The following ROBO1 variants were observed in gnomAD, a reference collection of about 807,000 sequenced individuals.
The protein encoded by ROBO1 is roundabout guidance receptor 1.
ROBO1 carries 149 observed loss-of-function variants against 195.9 expected under a neutral mutation model. The observed-to-expected ratio is 0.76, with a 90% CI of 0.67 to 0.87. The LOEUF (loss-of-function observed/expected upper bound fraction) is 0.87. ROBO1 is among the 40% of genes least tolerant of loss of function. The pLI, the probability that ROBO1 is intolerant of heterozygous loss-of-function variation, is 0.00. For missense variants in ROBO1, 1,933 were observed against 2,068.3 expected (o/e 0.93, Z 1.27); for synonymous variants, 816 against 733.2 (o/e 1.11, Z -1.82).
intron 1 of ROBO1, among the ~76,000 whole-genome samples, chr3:79,725,677 C>G (rs1702892904): frequency 6.6e-6 from 1 of 152,122 alleles, no homozygotes; most frequent in African/African-American, 2.4e-5. Context: ...CACCTCTTCT[C>G]CAGTTTCTTC....
intron 3 of ROBO1, among the ~76,000 whole-genome samples, chr3:78,974,219 T>G (rs1018396817): frequency 6.6e-6 from 1 of 152,128 alleles, no homozygotes; most frequent in Non-Finnish European, 1.5e-5. Context: ...AAGTCCATGG[T>G]ACTCATTTCT....
At chr3:79,569,675 A>G (rs7637549) in intron 2 of ROBO1, among the ~76,000 whole-genome samples, 11,530 of 105,990 alleles carry the variant, frequency 0.11, 456 homozygotes, top group Middle Eastern at 0.2. Context: ...GTGTGTGTGT[A>G]TATATGTGTG....
At chr3:78,967,920 T>A (rs2076682677) in intron 3 of ROBO1, among the ~76,000 whole-genome samples, 1 of 152,210 alleles carries the variant, frequency 6.6e-6, no homozygotes, top group Non-Finnish European at 1.5e-5. Flanking sequence ...TCCTGAGGTT[T>A]ACTTGCTCTC....
intron 2 of ROBO1, among the ~76,000 whole-genome samples, chr3:79,301,035 C>G (rs757926332): frequency 6.4e-4 from 97 of 152,200 alleles, no homozygotes; most frequent in Admixed American, 1.2e-3. Flanking sequence ...GCTGCCCGAG[C>G]CAGCAGTGGC....
chr3:78,676,763 C>A (rs1708461100), intron 10 of ROBO1, among the ~76,000 whole-genome samples: 1 of 152,154 alleles, frequency 6.6e-6, no homozygotes, highest in South Asian at 2.1e-4. Flanking sequence ...AGGATATTAT[C>A]CAGGAGAACT....
intron 1 of ROBO1, among the ~76,000 whole-genome samples, chr3:79,609,756 G>A (rs962159784): frequency 6.6e-6 from 1 of 151,750 alleles, no homozygotes; most frequent in African/African-American, 2.4e-5. Flanking sequence ...GTCACAAAAC[G>A]ACAAATACTC....
At chr3:78,946,491 C>T (rs563800233) in intron 3 of ROBO1, among the ~76,000 whole-genome samples, 1 of 152,080 alleles carries the variant, frequency 6.6e-6, no homozygotes, top group African/African-American at 2.4e-5. Context: ...TTGTCACCAC[C>T]AGGCCTGCCC....
At chr3:79,162,395 T>C (rs755596850) in intron 2 of ROBO1, among the ~76,000 whole-genome samples, 7 of 152,114 alleles carry the variant, frequency 4.6e-5, no homozygotes, top group African/African-American at 7.2e-5. Flanking sequence ...GGAACCTACA[T>C]GTGGTAAGGA....
rs115872656 is a variant in ROBO1 at position 79,645,492 on chromosome 3, A to T, written c.-50-55531T>A. Among the ~76,000 whole-genome samples, 633 of 151,968 alleles carry T rather than the reference A, an allele frequency of 4.2e-3. 6 individuals carry two copies. The highest frequency in any genetic ancestry group is 0.015 in the African/African-American group (607 of 41,434). On this transcript the variant is annotated intron_variant, in intron 1 of 30. Coordinates refer to ENST00000464233, the MANE Select transcript of ROBO1 (RefSeq NM_002941.4). ...ACTATAGCCCGGGAGACAATTTGAA[A>T]CTCTGTCTCTAAAATAAATAAATAA... is the stretch of plus-strand genomic sequence containing the variant.
At chr3:79,450,668 T>C (rs1411895033) in intron 2 of ROBO1, among the ~76,000 whole-genome samples, 3 of 151,982 alleles carry the variant, frequency 2.0e-5, no homozygotes, top group Non-Finnish European at 4.4e-5. Context: ...TTAATCTCCT[T>C]TCTATAGTGG....
At chr3:79,596,578 A>C (rs567709215) in intron 1 of ROBO1, among the ~76,000 whole-genome samples, 2 of 152,096 alleles carry the variant, frequency 1.3e-5, no homozygotes, top group Non-Finnish European at 2.9e-5. Flanking sequence ...CTATGTATTA[A>C]TCTATTAATG....
At chr3:78,663,436 G>A (rs976929248) in intron 14 of ROBO1, among the ~76,000 whole-genome samples, 4 of 151,876 alleles carry the variant, frequency 2.6e-5, no homozygotes, top group Admixed American at 6.6e-5. Flanking sequence ...CAGCCTCTAC[G>A]GAGTAAACAC....
chr3:79,177,496 T>C (rs998526894), intron 2 of ROBO1, among the ~76,000 whole-genome samples: 46 of 152,136 alleles, frequency 3.0e-4, no homozygotes, highest in African/African-American at 1.1e-3. Flanking sequence ...ACCCTTCACT[T>C]CTGTCACTCA....
At chr3:78,609,155 C>T (rs1453689341) in intron 28 of ROBO1, among the ~76,000 whole-genome samples, 2 of 152,018 alleles carry the variant, frequency 1.3e-5, no homozygotes, top group African/African-American at 4.8e-5. Flanking sequence ...ACATCTATTG[C>T]ATGCTTAGTA....
intron 2 of ROBO1, among the ~76,000 whole-genome samples, chr3:79,389,053 A>C (rs960440725): frequency 2.6e-5 from 4 of 152,070 alleles, no homozygotes; most frequent in Non-Finnish European, 5.9e-5. Flanking sequence ...TTAATTATAT[A>C]TTTAGTATGA....
At chr3:78,676,930 G>C (rs1056787311) in intron 10 of ROBO1, among the ~76,000 whole-genome samples, 7 of 152,146 alleles carry the variant, frequency 4.6e-5, no homozygotes, top group African/African-American at 1.4e-4. Flanking sequence ...AGAGAGAAAG[G>C]TCAGGTTACC....
chr3:79,315,354 G>A lies in ROBO1; in HGVS notation c.89-189815C>T, dbSNP rs117188680. 5.3e-4 allele frequency among the ~76,000 whole-genome samples: 81 copies of A among 152,288 alleles called. No individual in the cohort carries two copies. In the East Asian group the frequency reaches 0.015, roughly 29 times the overall value. ...TACTGTATTGAGGATATATTGAGCT[G>A]TAAGAATGAAAGCAGGAGACCACTT... On this transcript the variant is annotated intron_variant, in intron 2 of 30. Coordinates refer to ENST00000464233, the MANE Select transcript of ROBO1 (RefSeq NM_002941.4).
intron 1 of ROBO1, among the ~76,000 whole-genome samples, chr3:79,659,859 T>C (rs1400710015): frequency 1.3e-5 from 2 of 151,968 alleles, no homozygotes; most frequent in African/African-American, 4.8e-5. Context: ...AGTATATGCA[T>C]AAGCCCAGCA....
At chr3:79,642,418 A>G (rs914498341) in intron 1 of ROBO1, among the ~76,000 whole-genome samples, 5 of 152,182 alleles carry the variant, frequency 3.3e-5, no homozygotes, top group Admixed American at 3.3e-4. Context: ...ATCCAGTTCC[A>G]GGAAGATCAA....
Sources: allele counts gnomAD v4.1 joint callset (sites outside exome capture counted in the v4.1 genomes callset), GRCh38; gene constraint gnomAD v4.1.1; transcripts MANE v1.5; gene names NCBI Gene and HGNC (gene_info 2026-07-23, HGNC 2026-07-21).